Variants in COLEC12 observed in about 807,000 individuals in gnomAD.
COLEC12 encodes the protein collectin subfamily member 12, also known as collectin-12.
A neutral mutation model predicts 71.1 loss-of-function variants in COLEC12; 33 were observed. That is an observed-to-expected ratio of 0.46 (90% CI 0.35 to 0.62). The LOEUF is 0.62. COLEC12 is among the 20% of genes least tolerant of loss of function. The pLI is 0.00. For synonymous variants in COLEC12, 350 were observed against 353.0 expected (o/e 0.99, Z 0.10); for missense variants, 765 against 916.1 (o/e 0.84, Z 2.13).
intron 2 of COLEC12, among the ~76,000 whole-genome samples, chr18:368,724 G>A (rs551429776): frequency 2.0e-5 from 3 of 151,374 alleles, no homozygotes; most frequent in African/African-American, 7.3e-5. Flanking sequence ...AAATTAGCCG[G>A]GCGTGGTGGC....
At chr18:489,723 T>C (rs945089319) in intron 1 of COLEC12, among the ~76,000 whole-genome samples, 1 of 152,098 alleles carries the variant, frequency 6.6e-6, no homozygotes, top group Non-Finnish European at 1.5e-5. Flanking sequence ...ATTGTCACAA[T>C]AATATCAACA....
intron 2 of COLEC12, among the ~76,000 whole-genome samples, chr18:407,062 C>T (rs116638901): frequency 0.013 from 2,030 of 152,342 alleles, 45 homozygotes; most frequent in African/African-American, 0.047. Flanking sequence ...GAAAGGCCTC[C>T]GCTGGCTGAG....
intron 2 of COLEC12, among the ~76,000 whole-genome samples, chr18:387,370 C>T (rs1447639501): frequency 1.3e-5 from 2 of 152,114 alleles, no homozygotes; most frequent in Non-Finnish European, 2.9e-5. Flanking sequence ...CGACAGCACC[C>T]TCTACTAGCC....
At chr18:328,251 G>C (rs1913890705) in intron 8 of COLEC12, among the ~76,000 whole-genome samples, 1 of 152,200 alleles carries the variant, frequency 6.6e-6, no homozygotes, top group Non-Finnish European at 1.5e-5. Flanking sequence ...CAGGGGAAAG[G>C]GAGGTGGATG....
chr18:330,819 CT>C (rs1913958878), intron 8 of COLEC12, among the ~76,000 whole-genome samples: 1 of 149,788 alleles, frequency 6.7e-6, no homozygotes, highest in Non-Finnish European at 1.5e-5. Context: ...GCAAATGCAA[CT>C]TTGTTTATAG....
chr18:441,189 A>G (rs1158097771), intron 2 of COLEC12, among the ~76,000 whole-genome samples: 3 of 149,852 alleles, frequency 2.0e-5, no homozygotes, highest in Non-Finnish European at 4.4e-5. Context: ...CGGAGCTTGC[A>G]GTGAGCCGAG....
intron 2 of COLEC12, among the ~76,000 whole-genome samples, chr18:425,219 T>A (rs1164737531): frequency 6.6e-6 from 1 of 152,178 alleles, no homozygotes; most frequent in African/African-American, 2.4e-5. Flanking sequence ...CTCAAACCCG[T>A]GAGTTGCAGT....
rs1178071975 is a variant in COLEC12, at chr18:498,377, T to TTTTTTTTTTTTTTTG, written c.7+2130_7+2131insCAAAAAAAAAAAAAA. Among the ~76,000 whole-genome samples, 60 of 138,268 alleles carry TTTTTTTTTTTTTTTG rather than the reference T, an allele frequency of 4.3e-4. 3 individuals are homozygous for TTTTTTTTTTTTTTTG. The highest frequency in any genetic ancestry group is 1.3e-3 in the African/African-American group (46 of 34,888). 90.7% of individuals were successfully genotyped at this position (138,268 alleles called of 152,430 possible). ...ATATTTTTTTTCTTTTTTTTTTTTT[T>TTTTTTTTTTTTTTTG]AGACGGAGTCTCGCTCTTGTCACCC... On this transcript the variant is annotated intron_variant, in intron 1 of 9. Transcript: ENST00000400256.
intron 9 of COLEC12, among the ~76,000 whole-genome samples, chr18:320,609 G>A (rs1419453223): frequency 2.0e-5 from 3 of 152,200 alleles, no homozygotes; most frequent in African/African-American, 4.8e-5. Context: ...TTGACAAATT[G>A]TATAATTCAC....
At chr18:366,285 A>G (rs1441102465) in intron 2 of COLEC12, among the ~76,000 whole-genome samples, 1 of 152,128 alleles carries the variant, frequency 6.6e-6, no homozygotes, top group Non-Finnish European at 1.5e-5. Context: ...TCCGCAGAGT[A>G]ACATTTGAGC....
At chr18:419,356 C>T (rs1231386625) in intron 2 of COLEC12, among the ~76,000 whole-genome samples, 1 of 152,136 alleles carries the variant, frequency 6.6e-6, no homozygotes, top group Non-Finnish European at 1.5e-5. Context: ...CAGGCGCATG[C>T]CACCACACTA....
At chr18:439,449 C>T (rs1281208221) in intron 2 of COLEC12, among the ~76,000 whole-genome samples, 1 of 149,218 alleles carries the variant, frequency 6.7e-6, no homozygotes, top group African/African-American at 2.5e-5. Context: ...AACTAATATA[C>T]ACAACAAACC....
At chr18:335,731 C>CTGTGTA (rs776627344) in intron 5 of COLEC12, among the ~76,000 whole-genome samples, 13 of 106,330 alleles carry the variant, frequency 1.2e-4, no homozygotes, top group African/African-American at 3.1e-4. Flanking sequence ...GCCTCCCAGT[C>CTGTGTA]CGTGTACTGT....
chr18:448,588 C>T (rs1007315009), intron 2 of COLEC12, among the ~76,000 whole-genome samples: 1 of 152,274 alleles, frequency 6.6e-6, no homozygotes, highest in East Asian at 1.9e-4. Context: ...TCCAAATTCC[C>T]GTGGAGTCCA....
intron 8 of COLEC12, among the ~76,000 whole-genome samples, chr18:329,680 G>GC (rs1913928352): frequency 6.6e-6 from 1 of 152,244 alleles, no homozygotes; most frequent in African/African-American, 2.4e-5. Context: ...GCCTGCAGCA[G>GC]ATATCCACTT....
At chr18:363,835 G>A (rs1914799208) in intron 2 of COLEC12, among the ~76,000 whole-genome samples, 1 of 152,152 alleles carries the variant, frequency 6.6e-6, no homozygotes, top group Non-Finnish European at 1.5e-5. Context: ...TTATTAGTGA[G>A]TAATTTAGTT....
intron 2 of COLEC12, among the ~76,000 whole-genome samples, chr18:441,009 G>A (rs1448528739): frequency 2.6e-5 from 4 of 151,826 alleles, no homozygotes; most frequent in Non-Finnish European, 5.9e-5. Context: ...AGCACTTTGG[G>A]AGGCCGAGGC....
rs140297945 is a variant in COLEC12 at position 389,104 on chromosome 18, A to G, written c.59-31582T>C. 9.1e-3 allele frequency among the ~76,000 whole-genome samples: 1,382 copies of G among 152,272 alleles called. 22 individuals carry two copies. The highest frequency in any genetic ancestry group is 0.031 in the African/African-American group (1,286 of 41,546). ...ATTGGATTTATAATTGATAGCATTC[A>G]GCTAAAGTAATTTTGCAAAGGAAGT... On this transcript the variant is annotated intron_variant, in intron 2 of 9. Transcript: ENST00000400256.
intron 2 of COLEC12, among the ~76,000 whole-genome samples, chr18:364,601 C>G (rs746288272): frequency 2.0e-5 from 3 of 152,210 alleles, no homozygotes; most frequent in Non-Finnish European, 4.4e-5. Flanking sequence ...AGTGCTGAAT[C>G]TTTTCATTAA....
Sources: gnomAD v4.1 joint callset for allele counts (sites outside exome capture counted in the v4.1 genomes callset) on GRCh38, gnomAD v4.1.1 for gene constraint, MANE v1.5 for transcripts, NCBI Gene and HGNC (gene_info 2026-07-23, HGNC 2026-07-21) for gene names.